NIPAL3: variants seen among roughly 807,000 people sequenced by gnomAD.
NIPAL3 encodes the protein NIPA like domain containing 3, also known as NIPA-like protein 3.
In NIPAL3, 41 loss-of-function variants were observed where a neutral mutation model predicts 47.2. The ratio of observed to expected loss-of-function variants is 0.87; its 90% CI spans 0.68 to 1.13. NIPAL3 has a LOEUF of 1.13. Ranked by LOEUF, NIPAL3 falls within the 50% of genes most tolerant of loss-of-function variation. NIPAL3 has a pLI of 0.00. For missense variants in NIPAL3, 449 were observed against 530.1 expected (o/e 0.85, Z 1.50); for synonymous variants, 194 against 209.6 (o/e 0.93, Z 0.64).
chr1:24,431,396 A>G (rs1446178435), intron 2 of NIPAL3, among the ~76,000 whole-genome samples: 1 of 152,234 alleles, frequency 6.6e-6, no homozygotes, highest in Non-Finnish European at 1.5e-5. Context: ...GGCAAAGAAC[A>G]TGGAAGGACA....
chr1:24,468,866 T>G (rs1484506658), intron 11 of NIPAL3, 120 bp from the exon 12 acceptor site: 4 of 874,520 alleles, frequency 4.6e-6, no homozygotes, highest in Non-Finnish European at 7.3e-6. Context: ...TTCAGGAAAT[T>G]GACAATGCAC....
At chr1:24,456,754 G>T (rs1487114075) in intron 8 of NIPAL3, among the ~76,000 whole-genome samples, 1 of 152,114 alleles carries the variant, frequency 6.6e-6, no homozygotes, top group Non-Finnish European at 1.5e-5. Context: ...GATAATTTTT[G>T]TTTGTTTGCT....
chr1:24,456,293 C>T lies in NIPAL3; in HGVS notation c.773+20C>T, dbSNP rs1483400389. On this transcript the variant is annotated intron_variant, in intron 8 of 11. Coordinates refer to ENST00000374399, the MANE Select transcript of NIPAL3 (RefSeq NM_020448.5). ...GGCTGCGTGAGTTACAAATCCTTTT[C>T]CTGCTGGGCCCTGCCATTCGGGCTG... 2.5e-6 allele frequency: 4 copies of T among 1,614,018 alleles called. No homozygotes were observed. The highest frequency in any genetic ancestry group is 3.4e-6 in the Non-Finnish European group (4 of 1,179,982).
At chr1:24,442,605 AAAG>A (rs1295397432) in intron 4 of NIPAL3, among the ~76,000 whole-genome samples, 2 of 152,324 alleles carry the variant, frequency 1.3e-5, no homozygotes, top group East Asian at 3.9e-4. Context: ...TTTATTTCTA[AAAG>A]AAGAAGGAAG....
chr1:24,445,507 AT>A (rs1345303685), intron 5 of NIPAL3, among the ~76,000 whole-genome samples: 2 of 152,200 alleles, frequency 1.3e-5, no homozygotes, highest in Non-Finnish European at 2.9e-5. Flanking sequence ...TATTATTGGG[AT>A]TTTAGGAGGC....
At chr1:24,439,263 A>G (rs987802154) in intron 2 of NIPAL3, among the ~76,000 whole-genome samples, 94 of 152,392 alleles carry the variant, frequency 6.2e-4, no homozygotes, top group African/African-American at 2.2e-3. Flanking sequence ...GATATAAAAT[A>G]TGGCACATCC....
chr1:24,432,605 G>A (rs1644926675), intron 2 of NIPAL3, among the ~76,000 whole-genome samples: 1 of 152,138 alleles, frequency 6.6e-6, no homozygotes, highest in African/African-American at 2.4e-5. Flanking sequence ...ATGGGCTCTG[G>A]GGTCAGACTA....
chr1:24,440,238 C>A lies in NIPAL3; in HGVS notation c.160C>A (p.Gln54Lys). 2 of 1,590,272 alleles carry A rather than the reference C, an allele frequency of 1.3e-6. No individual in the cohort carries two copies. Among genetic ancestry groups the A allele is most frequent in the South Asian group, 1.1e-5 (1 of 87,696 alleles). Reference protein sequence around the residue: ...HLVVSIALNLQKYCHIRLAGS... With the variant: ...HLVVSIALNLKKYCHIRLAGS... ...CGTGGTCAGCATTGCACTTAACCTCCAGGTAAGTTTCAGTTACCAGCACTG... is the reference window on the plus strand; with the variant it reads ...CGTGGTCAGCATTGCACTTAACCTCAAGGTAAGTTTCAGTTACCAGCACTG... Residue 54 changes from glutamine to lysine, a missense_variant and splice_region_variant, in exon 3 of 12, where the codon CAG becomes AAG. Physicochemically the swap from Gln to Lys is moderately conservative, Grantham distance 53. Transcript: ENST00000374399.
chr1:24,419,613 C>G lies in NIPAL3; in HGVS notation c.66C>G (p.Ala22=), dbSNP rs369128212. 1.2e-6 allele frequency: 2 copies of G among 1,613,960 alleles called. No individual in the cohort carries two copies. The highest frequency in any genetic ancestry group is 1.7e-6 in the Non-Finnish European group (2 of 1,179,992). ...TGCCTCCCACAAGTAGCTCCAGCGC[C>G]GTAAGCGAGGCCTCCTTCTCCTACA... is the stretch of plus-strand genomic sequence containing the variant. ...QQLPPTSSSS[A]VSEASFSYKE... The change falls in exon 2 of 12, where the codon GCC becomes GCG. Residue 22 remains alanine (A), a synonymous_variant. Coordinates refer to ENST00000374399, the MANE Select transcript of NIPAL3 (RefSeq NM_020448.5).
chr1:24,444,911 T>G (rs1645583496), intron 4 of NIPAL3, among the ~76,000 whole-genome samples: 1 of 152,064 alleles, frequency 6.6e-6, no homozygotes, highest in African/African-American at 2.4e-5. Context: ...CCTCCAAGGG[T>G]GAACATGCCA....
intron 6 of NIPAL3, among the ~76,000 whole-genome samples, chr1:24,450,978 C>T (rs895365055): frequency 1.3e-5 from 2 of 152,220 alleles, no homozygotes; most frequent in East Asian, 1.9e-4. Context: ...CAAAGCGTTA[C>T]CCCAGAACAG....
At position 24,470,070 on chromosome 1, in the gene NIPAL3, A is replaced by G. The variant is rs1646852153; in HGVS notation, c.*885A>G. On this transcript the variant is annotated 3_prime_UTR_variant, in exon 12 of 12. Transcript: ENST00000374399. ...GCCCCCTGGAAAGATGGGGATGCTC[A>G]TTTCAGAGACAGCCTCTTCACCTGT... 1.3e-5 allele frequency: 2 copies of G among 152,174 alleles called. No homozygotes were observed. Among genetic ancestry groups the G allele is most frequent in the South Asian group, 4.1e-4 (2 of 4,834 alleles). 9.4% of individuals were successfully genotyped at this position (152,174 alleles called of 1,614,324 possible). A position where few individuals can be genotyped will look rare whatever the true frequency, so the allele number is the denominator to read the frequency against.
intron 10 of NIPAL3, 53 bp downstream of exon 10, chr1:24,460,597 C>T (rs1255134169): frequency 1.4e-6 from 2 of 1,456,428 alleles, no homozygotes; most frequent in Non-Finnish European, 1.8e-6. Context: ...GAATTCCAAG[C>T]AGGTTGCCCC....
Position 24,449,265 on chromosome 1 carries a change from T to C in NIPAL3, c.395-216T>C, listed in dbSNP as rs1645817253. Among the ~76,000 whole-genome samples the C allele has an allele frequency of 2.0e-5, 3 of 152,278 alleles. No homozygotes were observed. The highest frequency in any genetic ancestry group is 6.5e-5 in the Admixed American group (1 of 15,290). ...TCAAGCACTTTTTGTATGCATGTTA[T>C]ACTTCATTAAAGTTTTTTATTTTTT... On this transcript the variant is annotated intron_variant, in intron 5 of 11. Coordinates refer to ENST00000374399, the MANE Select transcript of NIPAL3 (RefSeq NM_020448.5). This position sits in a 1 kb window ranked among gnomAD's most constrained non-coding sequence, Gnocchi z 4.5.
chr1:24,432,091 C>T (rs1644905609), intron 2 of NIPAL3, among the ~76,000 whole-genome samples: 1 of 152,074 alleles, frequency 6.6e-6, no homozygotes, highest in Non-Finnish European at 1.5e-5. Flanking sequence ...AGTGCCATTC[C>T]TCCCTTCTCT....
intron 11 of NIPAL3, chr1:24,465,798 C>G: frequency 1.7e-6 from 1 of 580,702 alleles, no homozygotes; most frequent in Non-Finnish European, 2.7e-6. Flanking sequence ...TGCACGGTGT[C>G]TGGGACATGG....
chr1:24,428,101 G>A (rs1644683741), intron 2 of NIPAL3, among the ~76,000 whole-genome samples: 4 of 152,090 alleles, frequency 2.6e-5, no homozygotes, highest in Admixed American at 2.6e-4. Flanking sequence ...TTAGCTGGGT[G>A]CAATGGCATG....
chr1:24,465,928 C>A, intron 11 of NIPAL3: 1 of 1,510,604 alleles, frequency 6.6e-7, no homozygotes, highest in Non-Finnish European at 8.9e-7. Flanking sequence ...TGAACAGTCT[C>A]AGTCTAAACA....
chr1:24,423,153 A>G lies in NIPAL3; in HGVS notation c.93+3513A>G, dbSNP rs530932243. Among the ~76,000 whole-genome samples the G allele has an allele frequency of 1.2e-4, 18 of 152,332 alleles. 1 individual carries two copies. The South Asian group carries it at 3.1e-3, about 26-fold the overall frequency. ...GGTCAGCTTGAGTGAATACTGCCTT[A>G]CATATTGAAGGTGCTGAGTGCTTTC... is the stretch of plus-strand genomic sequence containing the variant. On this transcript the variant is annotated intron_variant, in intron 2 of 11. Transcript: ENST00000374399.
Sources: gnomAD v4.1 joint callset for allele counts (sites outside exome capture counted in the v4.1 genomes callset) on GRCh38, gnomAD v4.1.1 for gene constraint, Gnocchi (gnomAD v3.1) non-coding constraint, MANE v1.5 for transcripts, NCBI Gene and HGNC (gene_info 2026-07-23, HGNC 2026-07-21) for gene names.